Variants in STARD13 observed in about 807,000 individuals in gnomAD.
STARD13 encodes StAR related lipid transfer domain containing 13.
In STARD13, 62 loss-of-function variants were observed where a neutral mutation model predicts 106.4. The observed-to-expected ratio is 0.58, with a 90% CI of 0.48 to 0.72. The LOEUF (loss-of-function observed/expected upper bound fraction) is 0.72, where lower values mean the gene tolerates loss of function less well. STARD13 is among the 30% of genes least tolerant of loss of function. The pLI, the probability that STARD13 is intolerant of heterozygous loss-of-function variation, is 0.00. For missense variants in STARD13, 1,387 were observed against 1,424.0 expected, an observed-to-expected ratio of 0.97 and a Z score of 0.42; for synonymous variants, 565 against 553.0, an observed-to-expected ratio of 1.02 and a Z score of -0.31.
At chr13:33,258,399 C>T (rs7327586) in intron 1 of STARD13, among the ~76,000 whole-genome samples, 30,196 of 151,838 alleles carry the variant, frequency 0.2, 3,376 homozygotes, top group African/African-American at 0.27. Flanking sequence ...TTCGATTCAA[C>T]TTAGAAATAG....
intron 13 of STARD13, among the ~76,000 whole-genome samples, chr13:33,106,050 G>A (rs990532560): frequency 5.9e-5 from 9 of 152,246 alleles, no homozygotes; most frequent in Admixed American, 3.3e-4. Flanking sequence ...CATCATGAAT[G>A]CCTTGAAGGG....
chr13:33,231,136 T>C (rs1214190331), intron 1 of STARD13, among the ~76,000 whole-genome samples: 1 of 152,182 alleles, frequency 6.6e-6, no homozygotes, highest in Non-Finnish European at 1.5e-5. Flanking sequence ...TAAAGGACAG[T>C]TGTAACTTCA....
chr13:33,311,551 A>G (rs572280414), intron 1 of STARD13, among the ~76,000 whole-genome samples: 1 of 152,192 alleles, frequency 6.6e-6, no homozygotes, highest in Non-Finnish European at 1.5e-5. Flanking sequence ...CAGATAGGAG[A>G]TGTTTACCTT....
At chr13:33,167,437 G>T in intron 2 of STARD13, 114 bp downstream of exon 2, 1 of 1,045,672 alleles carries the variant, frequency 9.6e-7, no homozygotes, top group Non-Finnish European at 1.4e-6. Context: ...GAAAAAGAAA[G>T]CGAAGCAAAA....
chr13:33,520,488 A>G, the STARD13 span, among the ~76,000 whole-genome samples: 1 of 152,144 alleles, frequency 6.6e-6, no homozygotes, highest in Non-Finnish European at 1.5e-5. Context: ...TAAACACAGT[A>G]TAAAGTACTG....
chr13:33,465,240 CT>C, the STARD13 span, among the ~76,000 whole-genome samples: 1 of 130,664 alleles, frequency 7.7e-6, no homozygotes. Context: ...GCATCTCACT[CT>C]GTCACCCAGC....
At chr13:33,372,073 A>G in the STARD13 span, among the ~76,000 whole-genome samples, 1 of 152,246 alleles carries the variant, frequency 6.6e-6, no homozygotes, top group African/African-American at 2.4e-5. Context: ...CAGACAAATC[A>G]CTTCAAAACA....
chr13:33,632,600 C>T, the STARD13 span, among the ~76,000 whole-genome samples: 15 of 152,144 alleles, frequency 9.9e-5, no homozygotes, highest in South Asian at 4.1e-4. Context: ...TTGGTGCTTT[C>T]GTAGAAAAAA....
At chr13:33,501,076 T>C in the STARD13 span, among the ~76,000 whole-genome samples, 17 of 130,374 alleles carry the variant, frequency 1.3e-4, no homozygotes, top group Non-Finnish European at 2.5e-4. Context: ...CTTCTCTCTC[T>C]CCTTTTTTTT....
chr13:33,444,600 T>C, the STARD13 span, among the ~76,000 whole-genome samples: 2 of 151,970 alleles, frequency 1.3e-5, no homozygotes, highest in Non-Finnish European at 2.9e-5. Context: ...ATCCTGTCTC[T>C]ACAAAAAAAA....
chr13:33,353,027 G>A (rs2078094126), upstream of STARD13, among the ~76,000 whole-genome samples: 1 of 152,060 alleles, frequency 6.6e-6, no homozygotes, highest in Admixed American at 6.6e-5. Flanking sequence ...CTTCCAGCCC[G>A]AGACCACGTC....
chr13:33,302,270 G>T (rs1416897178), intron 1 of STARD13, among the ~76,000 whole-genome samples: 1 of 152,146 alleles, frequency 6.6e-6, no homozygotes, highest in Non-Finnish European at 1.5e-5. Context: ...AATAAATACA[G>T]AATTTGGGCT....
chr13:33,559,748 T>C, the STARD13 span, among the ~76,000 whole-genome samples: 2 of 151,342 alleles, frequency 1.3e-5, no homozygotes, highest in Admixed American at 1.3e-4. Flanking sequence ...TCCCAGCTAC[T>C]TGGGAGGTGG....
intron 1 of STARD13, among the ~76,000 whole-genome samples, chr13:33,330,620 TGCTTCTAA>T (rs1477624576): frequency 6.6e-6 from 1 of 152,038 alleles, no homozygotes; most frequent in Non-Finnish European, 1.5e-5. Context: ...TTCAAGAGGG[TGCTTCTAA>T]AGTAACTATT....
the STARD13 span, among the ~76,000 whole-genome samples, chr13:33,549,171 C>A: frequency 6.6e-6 from 1 of 152,278 alleles, no homozygotes; most frequent in African/African-American, 2.4e-5. Flanking sequence ...TTTGGAGAAT[C>A]TATTGAGTTT....
chr13:33,609,779 G>C, the STARD13 span, among the ~76,000 whole-genome samples: 2 of 151,938 alleles, frequency 1.3e-5, no homozygotes, highest in African/African-American at 4.8e-5. Flanking sequence ...TGTTAGCCAG[G>C]AGATGATCTC....
the STARD13 span, among the ~76,000 whole-genome samples, chr13:33,474,672 G>A: frequency 4.8e-4 from 73 of 152,178 alleles, 1 homozygote; most frequent in African/African-American, 1.7e-3. Flanking sequence ...CTTCTGTCTG[G>A]GTTTTGTATT....
intron 1 of STARD13, among the ~76,000 whole-genome samples, chr13:33,228,865 C>T (rs914301701): frequency 4.6e-5 from 7 of 152,138 alleles, no homozygotes; most frequent in South Asian, 2.1e-4. Flanking sequence ...CTAATTGGTA[C>T]GTAACCTCAC....
chr13:33,164,513 A>G (rs1285585241), intron 3 of STARD13: 2 of 152,184 alleles, frequency 1.3e-5, no homozygotes, highest in African/African-American at 2.4e-5. Flanking sequence ...AAAATGACTC[A>G]TCTCCCATAA....
Sources: gnomAD v4.1 joint callset for allele counts (sites outside exome capture counted in the v4.1 genomes callset) on GRCh38, gnomAD v4.1.1 for gene constraint, MANE v1.5 for transcripts, NCBI Gene and HGNC (gene_info 2026-07-23, HGNC 2026-07-21) for gene names.